MTMR11: variants seen among roughly 807,000 people sequenced by gnomAD.
MTMR11 encodes the protein myotubularin-related protein 11.
MTMR11 carries 89 observed loss-of-function variants against 100.0 expected under a neutral mutation model. The ratio of observed to expected loss-of-function variants is 0.89; its 90% CI spans 0.75 to 1.06. The LOEUF is 1.06. Among genes scored for constraint, MTMR11 ranks in the 50% least tolerant of loss-of-function variants. The pLI, the probability that MTMR11 is intolerant of heterozygous loss-of-function variation, is 0.00. For missense variants in MTMR11, 809 were observed against 873.7 expected, an observed-to-expected ratio of 0.93 and a Z score of 0.93; for synonymous variants, 336 against 326.3, an observed-to-expected ratio of 1.03 and a Z score of -0.32.
intron 14 of MTMR11, 51 bp downstream of exon 14, chr1:149,930,741 A>G (rs1241387727): frequency 8.0e-6 from 12 of 1,500,126 alleles, no homozygotes; most frequent in Admixed American, 4.6e-5. Context: ...AACTTCAGAG[A>G]GTACATCTCA....
rs376638222 is a variant in MTMR11, at chr1:149,933,564, A to G, written c.861-34T>C. The G allele has an allele frequency of 2.0e-5, 32 of 1,613,956 alleles. No individual in the cohort carries two copies. In the African/African-American group the frequency reaches 3.6e-4, roughly 18 times the overall value. On this transcript the variant is annotated intron_variant, in intron 9 of 16. Coordinates refer to ENST00000439741, the MANE Select transcript of MTMR11 (RefSeq NM_001145862.2). ...GAGGGAGTCAGGAAATAAGGAGTCT[A>G]CCCTGAGCACCTAACCCTTGATTCT...
chr1:149,933,701 T>A lies in MTMR11; in HGVS notation c.772-3A>T. ...CCAGGGTGATGCCAGGACAAGCGCT[T>A]CACATGGGGCAGAAGAGGGTCATTG... On this transcript the variant is annotated splice_polypyrimidine_tract_variant and splice_region_variant and intron_variant, in intron 8 of 16. Coordinates refer to ENST00000439741, the MANE Select transcript of MTMR11 (RefSeq NM_001145862.2). 1 of 1,614,064 alleles carries A rather than the reference T, an allele frequency of 6.2e-7. No homozygotes were observed.
intron 2 of MTMR11, 138 bp downstream of exon 2, chr1:149,936,016 T>A: frequency 1.0e-6 from 1 of 968,790 alleles, no homozygotes. Flanking sequence ...CTAGAGGCTG[T>A]CAGGGAGGAC....
chr1:149,936,511 TC>T (rs1384672520), intron 1 of MTMR11, 70 bp downstream of exon 1: 7 of 1,300,224 alleles, frequency 5.4e-6, no homozygotes, highest in Non-Finnish European at 7.6e-6. Flanking sequence ...AGCCTTTGCT[TC>T]CCCCTTTTAT....
chr1:149,931,205 C>T (rs1201535758), intron 13 of MTMR11, 55 bp downstream of exon 13: 3 of 1,606,276 alleles, frequency 1.9e-6, no homozygotes, highest in South Asian at 1.1e-5. Context: ...AATAATTTCT[C>T]ATTCTCTTAC....
chr1:149,936,469 TAGAC>T (rs1266461542), intron 1 of MTMR11, 109 bp downstream of exon 1: 10 of 1,306,358 alleles, frequency 7.7e-6, no homozygotes, highest in South Asian at 5.8e-5. Flanking sequence ...CAGAAGCTGA[TAGAC>T]AGACACACCC....
chr1:149,933,875 AG>A lies in MTMR11; in HGVS notation c.750del (p.His252IlefsTer40), dbSNP rs782160748. On this transcript the variant is annotated frameshift_variant, in exon 8 of 17. Transcript: ENST00000439741. LOFTEE classifies it high-confidence loss of function. Reference protein sequence around the residue: ...LDSEVRRAFGHFHQGRGPRLS... With the variant: ...LDSEVRRAFGXFHQGRGPRLS... ...CTGACCGGTCCACGGCCCTGATGAAAGTGGCCAAATGCTCTCCTGACCTCAC... is the reference window on the plus strand; with the variant it reads ...CTGACCGGTCCACGGCCCTGATGAAATGGCCAAATGCTCTCCTGACCTCAC... 1 of 1,614,166 alleles carries A rather than the reference AG, an allele frequency of 6.2e-7. No homozygotes were observed. Among genetic ancestry groups the A allele is most frequent in the Non-Finnish European group, 8.5e-7 (1 of 1,179,970 alleles).
chr1:149,933,763 C>T lies in MTMR11; in HGVS notation c.772-65G>A, dbSNP rs1375704979. The T allele has an allele frequency of 3.7e-6, 6 of 1,610,040 alleles. No homozygotes were observed. In the East Asian group the frequency reaches 1.1e-4, roughly 30 times the overall value. On this transcript the variant is annotated intron_variant, in intron 8 of 16. Coordinates refer to ENST00000439741, the MANE Select transcript of MTMR11 (RefSeq NM_001145862.2). ...CCTAGCTCCACGCTACCCTTGCCCC[C>T]ACACTGACCTCACAGAGGTTCCTCC...
rs201659440 is a variant in MTMR11 at position 149,934,258 on chromosome 1, G to T, written c.616C>A (p.Arg206=). 3.1e-6 allele frequency: 5 copies of T among 1,614,134 alleles called. No homozygotes were observed. In the Admixed American group the frequency reaches 8.3e-5, roughly 27 times the overall value. The change falls in exon 7 of 17, where the codon CGG becomes AGG. Residue 206 remains arginine, a synonymous_variant. Transcript: ENST00000439741. ...METAEDWETE[R]KKQAARGWRV... Reference sequence around the variant, plus strand: ...CAGCCTCTGGCTGCCTGCTTCTTCCGCTCAGTCTCCCAGTCTTCCGCTGTC... The same window carrying T: ...CAGCCTCTGGCTGCCTGCTTCTTCCTCTCAGTCTCCCAGTCTTCCGCTGTC...
intron 12 of MTMR11, 79 bp from the exon 13 acceptor site, chr1:149,931,505 G>A (rs1027324050): frequency 8.8e-6 from 12 of 1,370,406 alleles, no homozygotes; most frequent in African/African-American, 5.9e-5. Context: ...AGAGAAATAC[G>A]GCAAGGAGAA....
intron 14 of MTMR11, 93 bp from the exon 15 acceptor site, chr1:149,930,640 G>A (rs1571540074): frequency 7.2e-7 from 1 of 1,391,620 alleles, no homozygotes; most frequent in African/African-American, 1.4e-5. Flanking sequence ...TTCTAGGAAA[G>A]ATGTAGGGCA....
intron 5 of MTMR11, 117 bp downstream of exon 5, chr1:149,934,869 G>A (rs1474764007): frequency 6.2e-6 from 8 of 1,289,696 alleles, no homozygotes; most frequent in Non-Finnish European, 8.5e-6. Context: ...CTTTCCTTGA[G>A]AGAAGCAGGG....
At chr1:149,931,023 G>A (rs1303830735) in intron 13 of MTMR11, 58 bp from the exon 14 acceptor site, 44 of 1,482,050 alleles carry the variant, frequency 3.0e-5, no homozygotes, top group Non-Finnish European at 3.7e-5. Context: ...GGAGGATGAC[G>A]AGATGATAAG....
chr1:149,936,139 A>G lies in MTMR11; in HGVS notation c.142+15T>C, dbSNP rs200302921. Reference sequence around the variant, plus strand: ...GAAATTTGGAAGTCTTTGGAGAGTGATAGGGCATTATTACCTGGGAGGCAT... The same window carrying G: ...GAAATTTGGAAGTCTTTGGAGAGTGGTAGGGCATTATTACCTGGGAGGCAT... On this transcript the variant is annotated intron_variant, in intron 2 of 16. Coordinates refer to ENST00000439741, the MANE Select transcript of MTMR11 (RefSeq NM_001145862.2). 551 of 1,609,040 alleles carry G rather than the reference A, an allele frequency of 3.4e-4. 2 individuals are homozygous for G. Among genetic ancestry groups the G allele is most frequent in the South Asian group, 2.3e-4 (21 of 90,978 alleles).
chr1:149,930,395 G>A lies in MTMR11; in HGVS notation c.1617C>T (p.His539=). 2 of 1,613,940 alleles carry A rather than the reference G, an allele frequency of 1.2e-6. No homozygotes were observed. The highest frequency in any genetic ancestry group is 8.5e-7 in the Non-Finnish European group (1 of 1,179,856). Residue 539 remains histidine, a synonymous_variant, in exon 15 of 17, where the codon CAC becomes CAT. Transcript: ENST00000439741. ...QFQNPGYDPE[H]CPDSWLPRPQ... is the part of the protein sequence containing the mutation. The stretch of plus-strand genomic sequence containing the variant: ...GTCTAGGGAGCCAGGAATCTGGACA[G>A]TGTTCTGGGTCATAGCCAGGATTCT...
chr1:149,931,251 C>T lies in MTMR11; in HGVS notation c.1290+9G>A, dbSNP rs1553767558. 1.4e-5 allele frequency: 23 copies of T among 1,613,992 alleles called. No homozygotes were observed. Among genetic ancestry groups the T allele is most frequent in the Non-Finnish European group, 1.9e-5 (23 of 1,179,974 alleles). On this transcript the variant is annotated intron_variant, in intron 13 of 16. Transcript: ENST00000439741. The stretch of plus-strand genomic sequence containing the variant: ...ATATGCCCCCGATGCCATCCCGAAT[C>T]ATTCTCACCTCTTCACTGGCCCCAG...
chr1:149,933,361 A>G, intron 10 of MTMR11, 45 bp downstream of exon 10: 1 of 1,609,962 alleles, frequency 6.2e-7, no homozygotes, highest in African/African-American at 1.3e-5. Flanking sequence ...GGCTCAGCAG[A>G]CCTAGGGGTG....
rs782211163 is a variant in MTMR11 at position 149,936,125 on chromosome 1, G to C, written c.142+29C>G. On this transcript the variant is annotated intron_variant, in intron 2 of 16. Coordinates refer to ENST00000439741, the MANE Select transcript of MTMR11 (RefSeq NM_001145862.2). The stretch of plus-strand genomic sequence containing the variant: ...GATTGGCGTAGGATGAAATTTGGAA[G>C]TCTTTGGAGAGTGATAGGGCATTAT... The C allele has an allele frequency of 3.1e-6, 5 of 1,596,678 alleles. No homozygotes were observed. In the Admixed American group the frequency reaches 8.3e-5, roughly 27 times the overall value.
At chr1:149,930,733 C>T (rs954357154) in intron 14 of MTMR11, 59 bp downstream of exon 14, 3 of 1,493,344 alleles carry the variant, frequency 2.0e-6, no homozygotes, top group Non-Finnish European at 2.7e-6. Flanking sequence ...CAAGACCAAA[C>T]TTCAGAGAGT....
Sources: allele counts gnomAD v4.1 joint callset, GRCh38; gene constraint gnomAD v4.1.1; transcripts MANE v1.5; gene names NCBI Gene and HGNC (gene_info 2026-07-23, HGNC 2026-07-21).